NBL1: variants seen among roughly 807,000 people sequenced by gnomAD.
The protein encoded by NBL1 is neuroblastoma suppressor of tumorigenicity 1.
In NBL1, 9 loss-of-function variants were observed where a neutral mutation model predicts 16.0. The observed-to-expected ratio is 0.56, with a 90% CI of 0.34 to 0.98. The LOEUF (loss-of-function observed/expected upper bound fraction) is 0.98, where lower values mean the gene tolerates loss of function less well. Among genes scored for constraint, NBL1 ranks in the 50% least tolerant of loss-of-function variants. The pLI is 0.02. For synonymous variants in NBL1, 86 were observed against 100.7 expected (o/e 0.85, Z 0.87); for missense variants, 196 against 243.1 (o/e 0.81, Z 1.29).
chr1:19,644,219 C>T, upstream of NBL1: 2 of 976,436 alleles, frequency 2.0e-6, no homozygotes, highest in Non-Finnish European at 2.4e-6. The surrounding 1 kb of genome is among the most constrained non-coding windows in gnomAD (Gnocchi z 4.6). Flanking sequence ...CTGCGCGCGG[C>T]CCTCCCCGCT....
chr1:19,650,410 G>C (rs1262076222), intron 1 of NBL1, among the ~76,000 whole-genome samples: 2 of 152,212 alleles, frequency 1.3e-5, no homozygotes, highest in African/African-American at 2.4e-5. Context: ...CCTCCCCTCA[G>C]GGGAGTGTCT....
chr1:19,651,317 G>C (rs914648200), intron 1 of NBL1, among the ~76,000 whole-genome samples: 1 of 152,208 alleles, frequency 6.6e-6, no homozygotes, highest in Non-Finnish European at 1.5e-5. Flanking sequence ...CTAGGGCCTG[G>C]TGGGTTGGGT....
chr1:19,645,987 G>C, intron 1 of NBL1: 2 of 1,550,560 alleles, frequency 1.3e-6, no homozygotes, highest in Non-Finnish European at 1.7e-6. Flanking sequence ...CATTAGCATG[G>C]ATTTGTTTTG....
upstream of NBL1, chr1:19,644,175 G>A (rs1340465886): frequency 5.1e-6 from 5 of 980,224 alleles, no homozygotes; most frequent in East Asian, 4.6e-4. The surrounding 1 kb of genome is among the most constrained non-coding windows in gnomAD (Gnocchi z 4.6). Flanking sequence ...CTGCGCACCC[G>A]GAGGGAGAGG....
At chr1:19,653,950 C>A (rs1013264342) in intron 1 of NBL1, among the ~76,000 whole-genome samples, 3 of 152,204 alleles carry the variant, frequency 2.0e-5, no homozygotes, top group Non-Finnish European at 2.9e-5. Context: ...AAGTGCTTAG[C>A]TTTGATTGGC....
intron 3 of NBL1, 106 bp from the exon 4 acceptor site, chr1:19,656,760 T>G (rs1204750001): frequency 2.1e-6 from 3 of 1,441,892 alleles, no homozygotes; most frequent in Non-Finnish European, 2.8e-6. Flanking sequence ...GCATCACAGG[T>G]GGGCTCTGGG....
At chr1:19,652,008 G>T (rs2095028639) in intron 1 of NBL1, among the ~76,000 whole-genome samples, 1 of 152,228 alleles carries the variant, frequency 6.6e-6, no homozygotes, top group African/African-American at 2.4e-5. Flanking sequence ...CTCCCAAAGT[G>T]CTAGAATTAC....
At chr1:19,653,714 C>T (rs1570565039) in intron 1 of NBL1, among the ~76,000 whole-genome samples, 1 of 152,358 alleles carries the variant, frequency 6.6e-6, no homozygotes, top group East Asian at 1.9e-4. Context: ...CTGTGCCGTC[C>T]TCCGAGGGTT....
intron 1 of NBL1, chr1:19,645,920 T>A: frequency 6.5e-7 from 1 of 1,549,946 alleles, no homozygotes; most frequent in Non-Finnish European, 8.7e-7. Flanking sequence ...GGGTTGTTGG[T>A]GAGGTCTGCA....
At chr1:19,648,343 G>A (rs1378784566) in intron 1 of NBL1, among the ~76,000 whole-genome samples, 1 of 152,212 alleles carries the variant, frequency 6.6e-6, no homozygotes, top group Non-Finnish European at 1.5e-5. Flanking sequence ...GGGCTGGGAG[G>A]CCGTTGCTCC....
At chr1:19,648,412 T>C (rs889693986) in intron 1 of NBL1, among the ~76,000 whole-genome samples, 1 of 152,160 alleles carries the variant, frequency 6.6e-6, no homozygotes, top group African/African-American at 2.4e-5. Context: ...AGGCCGTGCC[T>C]CATACCTGGC....
At position 19,644,583 on chromosome 1, in the gene NBL1, G is replaced by A; in HGVS notation, c.-20+137G>A. The A allele has an allele frequency of 7.4e-6, 3 of 407,390 alleles. No individual in the cohort carries two copies. The highest frequency in any genetic ancestry group is 4.4e-5 in the African/African-American group (2 of 44,970). The allele number at this position is 407,390 out of a possible 1,614,324, so 25.2% of individuals were successfully genotyped here. A position where few individuals can be genotyped will look rare whatever the true frequency, so the allele number is the denominator to read the frequency against. On this transcript the variant is annotated intron_variant, in intron 1 of 3. Transcript: ENST00000375136. This position sits in a 1 kb window ranked among gnomAD's most constrained non-coding sequence, Gnocchi z 4.6. ...GCGGGCACCGGGTGGAGGCGCCGCC[G>A]CCGAGCTCAGGAGCCCTGGGGGACC...
intron 1 of NBL1, chr1:19,645,966 C>G (rs1279662407): frequency 1.3e-6 from 2 of 1,550,536 alleles, no homozygotes; most frequent in African/African-American, 1.4e-5. Flanking sequence ...CAGCCTGGCC[C>G]TGCAGCAGCT....
At chr1:19,651,081 A>G (rs932048161) in intron 1 of NBL1, among the ~76,000 whole-genome samples, 3 of 152,174 alleles carry the variant, frequency 2.0e-5, no homozygotes, top group East Asian at 1.9e-4. Flanking sequence ...ACTCCTCCCA[A>G]TTCTTCTCCA....
rs1339918838 is a variant in NBL1 at position 19,644,358 on chromosome 1, C to T, written c.-108C>T. The T allele has an allele frequency of 1.0e-6, 1 of 978,596 alleles. No homozygotes were observed. Among genetic ancestry groups the T allele is most frequent in the Non-Finnish European group, 1.2e-6 (1 of 826,944 alleles). 60.6% of individuals were successfully genotyped at this position (978,596 alleles called of 1,614,324 possible). A position where few individuals can be genotyped will look rare whatever the true frequency, so the allele number is the denominator to read the frequency against. ...CAGCCGAGCGTCGCGGGGCCGCCCC[C>T]CGCCCTGCCGGCCGCCTCGCCGAGC... On this transcript the variant is annotated 5_prime_UTR_variant, in exon 1 of 4. Transcript: ENST00000375136. The surrounding 1 kb of genome is among the most constrained non-coding windows in gnomAD (Gnocchi z 4.6).
chr1:19,647,469 A>G (rs1313139853), intron 1 of NBL1: 2 of 233,878 alleles, frequency 8.6e-6, no homozygotes, highest in East Asian at 1.8e-4. Flanking sequence ...AGAATGGCTG[A>G]GCTAAGATTT....
At chr1:19,643,638 G>T, upstream of NBL1, 1 of 1,324,802 alleles carries the variant, frequency 7.5e-7, no homozygotes, top group Non-Finnish European at 9.7e-7. This position sits in a 1 kb window ranked among gnomAD's most constrained non-coding sequence, Gnocchi z 4.7. Flanking sequence ...GAGTTCATTT[G>T]CTGGCTTTTT....
At chr1:19,645,291 A>C (rs780066285) in intron 1 of NBL1, 1 of 884,720 alleles carries the variant, frequency 1.1e-6, no homozygotes, top group Non-Finnish European at 1.4e-6. Context: ...TAAGAATTCC[A>C]CCCCCGCGAG....
intron 1 of NBL1, among the ~76,000 whole-genome samples, chr1:19,648,815 A>G (rs1461609889): frequency 6.6e-6 from 1 of 151,920 alleles, no homozygotes; most frequent in Non-Finnish European, 1.5e-5. Context: ...TGTGCCAAGG[A>G]CACCTCCTTT....
Sources: allele counts gnomAD v4.1 joint callset (sites outside exome capture counted in the v4.1 genomes callset), GRCh38; gene constraint gnomAD v4.1.1; non-coding constraint Gnocchi (gnomAD v3.1); transcripts MANE v1.5; gene names NCBI Gene and HGNC (gene_info 2026-07-23, HGNC 2026-07-21).